The following KIFC3 variants were observed in gnomAD, a reference collection of about 807,000 sequenced individuals.
KIFC3 encodes the protein kinesin-like protein KIFC3.
A neutral mutation model predicts 101.8 loss-of-function variants in KIFC3; 60 were observed. That is an observed-to-expected ratio of 0.59 (90% CI 0.48 to 0.73). KIFC3 has a LOEUF of 0.73. Ranked by LOEUF, KIFC3 falls within the 30% of genes least tolerant of loss-of-function variation. The pLI, the probability that KIFC3 is intolerant of heterozygous loss-of-function variation, is 0.00. For missense variants in KIFC3, 966 were observed against 1,137.1 expected (o/e 0.85, Z 2.16); for synonymous variants, 476 against 482.7 (o/e 0.99, Z 0.18).
At chr16:57,837,581 G>GAAAGAAAGAAAGAAAGAAAGAA (rs1458271827) in intron 1 of KIFC3, among the ~76,000 whole-genome samples, 58 of 151,662 alleles carry the variant, frequency 3.8e-4, no homozygotes, top group Middle Eastern at 3.4e-3. Context: ...AAGAAAGAAA[G>GAAAGAAAGAAAGAAAGAAAGAA]AGTAGCAGTA....
rs59683795 is a variant in KIFC3, at chr16:57,776,453, G to A, written c.316-4165C>T. On this transcript the variant is annotated intron_variant, in intron 3 of 19. Transcript: ENST00000445690. ...CTGACAATTCGAATTCTAAAGCCAGGCTGCCCAGGTTCTAATCCAGACATC... is the reference window on the plus strand; with the variant it reads ...CTGACAATTCGAATTCTAAAGCCAGACTGCCCAGGTTCTAATCCAGACATC... The A allele has an allele frequency of 8.1e-5, 79 of 980,482 alleles. No individual in the cohort carries two copies. The East Asian group carries it at 5.6e-3, about 69-fold the overall frequency. 60.7% of individuals were successfully genotyped at this position (980,482 alleles called of 1,614,324 possible). A position where few individuals can be genotyped will look rare whatever the true frequency, so the allele number is the denominator to read the frequency against.
At chr16:57,770,097 G>A in intron 7 of KIFC3, 142 bp from the exon 8 acceptor site, 1 of 1,069,216 alleles carries the variant, frequency 9.4e-7, no homozygotes, top group East Asian at 2.6e-5. Context: ...GGGGCAGAAT[G>A]GCCTTGTCTC....
At chr16:57,854,966 T>C (rs573275232) in intron 1 of KIFC3, among the ~76,000 whole-genome samples, 8 of 152,204 alleles carry the variant, frequency 5.3e-5, no homozygotes, top group African/African-American at 1.9e-4. Flanking sequence ...ACACCCGTAA[T>C]CCCAGCACTT....
Position 57,809,182 on chromosome 16 carries a change from C to G in KIFC3, c.109-10900G>C, listed in dbSNP as rs560165045. On this transcript the variant is annotated intron_variant, in intron 1 of 2. Coordinates refer to the KIFC3 transcript ENST00000563028. The stretch of plus-strand genomic sequence containing the variant: ...CCATGTCACTTTTTCCTGCTAATGC[C>G]TACATTTTTCTGAAGTGCAGACATC... Among the ~76,000 whole-genome samples, 3 of 152,236 alleles carry G rather than the reference C, an allele frequency of 2.0e-5. No homozygotes were observed. In the South Asian group the frequency reaches 6.2e-4, roughly 32 times the overall value.
chr16:57,821,539 A>T (rs1555629918), intron 1 of KIFC3, among the ~76,000 whole-genome samples: 2 of 152,252 alleles, frequency 1.3e-5, no homozygotes, highest in African/African-American at 2.4e-5. Context: ...GTGAACTTTC[A>T]TCCTACAATC....
intron 12 of KIFC3, among the ~76,000 whole-genome samples, chr16:57,763,649 G>A (rs2050120426): frequency 6.6e-6 from 1 of 152,158 alleles, no homozygotes; most frequent in Non-Finnish European, 1.5e-5. Flanking sequence ...AGCAGGGAGA[G>A]GAAGCCTTGG....
intron 1 of KIFC3, among the ~76,000 whole-genome samples, chr16:57,857,444 C>A (rs1204720861): frequency 6.6e-6 from 1 of 150,538 alleles, no homozygotes; most frequent in Non-Finnish European, 1.5e-5. Context: ...ATGTGCAGAA[C>A]ATGCAGGTTT....
chr16:57,770,522 G>T lies in KIFC3; in HGVS notation c.939+5C>A. 1 of 1,422,870 alleles carries T rather than the reference G, an allele frequency of 7.0e-7. No individual in the cohort carries two copies. The highest frequency in any genetic ancestry group is 9.2e-7 in the Non-Finnish European group (1 of 1,087,954). 88.1% of individuals were successfully genotyped at this position (1,422,870 alleles called of 1,614,324 possible). A position where few individuals can be genotyped will look rare whatever the true frequency, so the allele number is the denominator to read the frequency against. On this transcript the variant is annotated splice_donor_5th_base_variant and intron_variant, in intron 7 of 19. Transcript: ENST00000445690. The stretch of plus-strand genomic sequence containing the variant: ...TGGGCATGTGCCCCCACACAGCCTG[G>T]GTACCTGCGCCCGGAGCCGCGCGGT...
chr16:57,855,467 T>G (rs12445530), intron 1 of KIFC3, among the ~76,000 whole-genome samples: 67,296 of 151,622 alleles, frequency 0.44, 16,238 homozygotes, highest in African/African-American at 0.63. Flanking sequence ...ATATTTAAAC[T>G]GAATGAAAGC....
chr16:57,850,049 G>A (rs1158987051), intron 1 of KIFC3, among the ~76,000 whole-genome samples: 8 of 151,926 alleles, frequency 5.3e-5, no homozygotes, highest in Middle Eastern at 3.4e-3. Context: ...AGCTATAATC[G>A]TGCCATTACA....
chr16:57,852,552 TA>T (rs1173479911), intron 1 of KIFC3, among the ~76,000 whole-genome samples: 1 of 152,226 alleles, frequency 6.6e-6, no homozygotes, highest in African/African-American at 2.4e-5. Context: ...ACCTTTCGTC[TA>T]CTGTTTTTCC....
Position 57,764,176 on chromosome 16 carries a change from G to A in KIFC3, c.1584C>T (p.Gly528=), listed in dbSNP as rs200283901. 5.0e-6 allele frequency: 8 copies of A among 1,610,944 alleles called. No individual in the cohort carries two copies. Among genetic ancestry groups the A allele is most frequent in the Admixed American group, 1.7e-5 (1 of 59,968 alleles). ...TGTACGTCTTGCCGGCGCCCGTCTG[G>A]CCGTACGCAAAGATGCAGACATTGA... is the stretch of plus-strand genomic sequence containing the variant. The part of the protein sequence containing the change: ...DGFNVCIFAY[G]QTGAGKTYTM... Residue 528 remains glycine (G), a synonymous_variant, in exon 12 of 20, where the codon GGC becomes GGT. Transcript: ENST00000445690.
intron 14 of KIFC3, 63 bp from the exon 15 acceptor site, chr16:57,761,234 C>A: frequency 6.3e-7 from 1 of 1,599,952 alleles, no homozygotes; most frequent in Non-Finnish European, 8.5e-7. Flanking sequence ...AGTCACCTGG[C>A]CCCAAGCACC....
intron 14 of KIFC3, 94 bp downstream of exon 14, chr16:57,761,319 G>T: frequency 1.3e-6 from 2 of 1,579,036 alleles, no homozygotes; most frequent in Non-Finnish European, 8.6e-7. Context: ...ACTTGCCCAA[G>T]GGTGCGTGCT....
intron 1 of KIFC3, among the ~76,000 whole-genome samples, chr16:57,801,421 A>T (rs184012695): frequency 1.3e-5 from 2 of 152,344 alleles, no homozygotes; most frequent in East Asian, 3.9e-4. Context: ...CCCTGTGAAC[A>T]GCAGAACTCA....
chr16:57,795,393 C>A (rs1012304182), intron 2 of KIFC3, among the ~76,000 whole-genome samples: 2 of 152,236 alleles, frequency 1.3e-5, no homozygotes, highest in East Asian at 3.8e-4. Flanking sequence ...GGGCCCAATA[C>A]CCCACCGGAG....
At chr16:57,803,305 G>A, upstream of KIFC3, 1 of 689,620 alleles carries the variant, frequency 1.5e-6, no homozygotes, top group Non-Finnish European at 2.7e-6. Flanking sequence ...TGACCTGGAG[G>A]AGCCACTCTG....
chr16:57,831,388 ATTAGAACGCATC>A (rs1166112046), intron 1 of KIFC3, among the ~76,000 whole-genome samples: 4 of 152,238 alleles, frequency 2.6e-5, no homozygotes, highest in Non-Finnish European at 5.9e-5. Context: ...CTGGGATGTT[ATTAGAACGCATC>A]TTAAGGCAGC....
At chr16:57,822,282 G>T (rs1598207255) in intron 1 of KIFC3, among the ~76,000 whole-genome samples, 1 of 152,138 alleles carries the variant, frequency 6.6e-6, no homozygotes. Context: ...CCCTCAAAGG[G>T]TTGTTGAAGA....
Sources: allele counts gnomAD v4.1 joint callset (sites outside exome capture counted in the v4.1 genomes callset), GRCh38; gene constraint gnomAD v4.1.1; transcripts MANE v1.5; gene names NCBI Gene and HGNC (gene_info 2026-07-23, HGNC 2026-07-21).